Variants in PAX6 observed in about 807,000 individuals in gnomAD.
PAX6 encodes the protein paired box 6.
In PAX6, 7 loss-of-function variants were observed where a neutral mutation model predicts 60.7. That is an observed-to-expected ratio of 0.12 (90% CI 0.07 to 0.22). The LOEUF (loss-of-function observed/expected upper bound fraction) is 0.22, where lower values mean the gene tolerates loss of function less well. Ranked by LOEUF, PAX6 falls within the 10% of genes least tolerant of loss-of-function variation. PAX6 has a pLI of 1.00. For missense variants in PAX6, 355 were observed against 555.2 expected (o/e 0.64, Z 3.62); for synonymous variants, 208 against 201.2 (o/e 1.03, Z -0.29).
chr11:31,797,507 GAAAA>G (rs36004875), intron 8 of PAX6, among the ~76,000 whole-genome samples: 16 of 101,402 alleles, frequency 1.6e-4, no homozygotes, highest in African/African-American at 5.3e-4. Flanking sequence ...TTTAAATCTG[GAAAA>G]AAAAAAAAAA....
At chr11:31,799,444 T>C (rs1011395058) in intron 8 of PAX6, among the ~76,000 whole-genome samples, 1 of 152,334 alleles carries the variant, frequency 6.6e-6, no homozygotes, top group African/African-American at 2.4e-5. Flanking sequence ...ACATGTCTAA[T>C]TGGCAATTGG....
At chr11:31,797,950 C>A (rs1952159949) in intron 8 of PAX6, among the ~76,000 whole-genome samples, 1 of 150,210 alleles carries the variant, frequency 6.7e-6, no homozygotes, top group Admixed American at 6.6e-5. Flanking sequence ...GACCATCTGA[C>A]GATGGGAATA....
In PAX6 at chr11:31,790,003, A is replaced by C. The variant is rs372956285; in HGVS notation, c.1242T>G (p.Gly414=). Reference sequence around the variant, plus strand: ...CGGGAACTTGAACTGGAACTGACACACCAGGGGAAATGAGTCCTAGAAGTG... The same window carrying C: ...CGGGAACTTGAACTGGAACTGACACCCCAGGGGAAATGAGTCCTAGAAGTG... ...GTTSTGLISP[G]VSVPVQVPGS... Residue 414 remains glycine (G), a synonymous_variant, in exon 14 of 14, where the codon GGT becomes GGG. Transcript: ENST00000640368. 6 of 1,559,004 alleles carry C rather than the reference A, an allele frequency of 3.8e-6. No homozygotes were observed. Among genetic ancestry groups the C allele is most frequent in the Non-Finnish European group, 5.2e-6 (6 of 1,152,772 alleles).
rs760121586 is a variant in PAX6 at position 31,794,593 on chromosome 11, T to C, written c.724+37A>G. The C allele has an allele frequency of 8.7e-6, 14 of 1,612,038 alleles. No homozygotes were observed. In the East Asian group the frequency reaches 1.6e-4, roughly 18 times the overall value. On this transcript the variant is annotated intron_variant, in intron 9 of 13. Transcript: ENST00000640368. ...TGTACTGAAGATGTGGCATTTACTT[T>C]GATTTACTGCTTCTCTACTTTGAAA...
In PAX6 at chr11:31,794,765, C is replaced by T; in HGVS notation, c.589G>A (p.Gly197Arg). 1 of 1,614,150 alleles carries T rather than the reference C, an allele frequency of 6.2e-7. No individual in the cohort carries two copies. Among genetic ancestry groups the T allele is most frequent in the Non-Finnish European group, 8.5e-7 (1 of 1,180,012 alleles). The change falls in exon 9 of 14, where the codon GGG (glycine) becomes AGG (arginine). Residue 197 changes from glycine (G) to arginine (R), a missense_variant. Physicochemically the swap from Gly to Arg is moderately radical, Grantham distance 125. Around this residue, in one of 5 missense-constraint regions of PAX6, gnomAD observed 143 missense variants for 183.6 expected, o/e 0.78. Coordinates refer to ENST00000640368, the MANE Select transcript of PAX6 (RefSeq NM_001368894.2). ...TQDGCQQQEG[G>R]GENTNSISSN... ...CTGATGGAGTTGGTATTCTCTCCCCCTCCTTCCTGTTGCTGGCAGCCATCT... is the reference window on the plus strand; with the variant it reads ...CTGATGGAGTTGGTATTCTCTCCCCTTCCTTCCTGTTGCTGGCAGCCATCT...
intron 8 of PAX6, among the ~76,000 whole-genome samples, chr11:31,798,112 C>G (rs1437101409): frequency 2.0e-5 from 3 of 147,520 alleles, no homozygotes; most frequent in African/African-American, 5.0e-5. Flanking sequence ...GTTGCGGCAC[C>G]TTTTCAGCTC....
upstream of PAX6, among the ~76,000 whole-genome samples, chr11:31,813,736 A>C (rs1957243060): frequency 1.3e-5 from 2 of 152,152 alleles, no homozygotes; most frequent in African/African-American, 2.4e-5. Flanking sequence ...GCTGCTTCCC[A>C]TGTGTCAATA....
At chr11:31,797,713 G>A (rs974450381) in intron 8 of PAX6, among the ~76,000 whole-genome samples, 2 of 152,148 alleles carry the variant, frequency 1.3e-5, no homozygotes, top group Non-Finnish European at 2.9e-5. Context: ...CCCCACTTTA[G>A]TGGATTTGCC....
At position 31,793,634 on chromosome 11, in the gene PAX6, A is replaced by G. The variant is rs375447595; in HGVS notation, c.958+18T>C. On this transcript the variant is annotated intron_variant, in intron 11 of 13. Coordinates refer to ENST00000640368, the MANE Select transcript of PAX6 (RefSeq NM_001368894.2). Reference sequence around the variant, plus strand: ...AGGTTTAAAGACATTGATTCGTAGTATTAGTATTTCAAATTACCCGGTGTG... The same window carrying G: ...AGGTTTAAAGACATTGATTCGTAGTGTTAGTATTTCAAATTACCCGGTGTG... 14 of 1,614,028 alleles carry G rather than the reference A, an allele frequency of 8.7e-6. No individual in the cohort carries two copies. The Admixed American group carries it at 2.0e-4, about 23-fold the overall frequency.
intron 10 of PAX6, 88 bp downstream of exon 10, chr11:31,793,944 T>C (rs1950680667): frequency 1.6e-6 from 2 of 1,253,256 alleles, no homozygotes; most frequent in South Asian, 2.4e-5. Flanking sequence ...GTCCTATAAA[T>C]AAATAGTACT....
In PAX6 at chr11:31,790,110, A is replaced by AAAC. The variant is rs1565183636; in HGVS notation, c.1226-92_1226-91insGTT. 1.3e-5 allele frequency: 10 copies of AAAC among 799,086 alleles called. No individual in the cohort carries two copies. In the African/African-American group the frequency reaches 1.6e-4, roughly 13 times the overall value. The allele number at this position is 799,086 out of a possible 1,614,324, so 49.5% of individuals were successfully genotyped here. On this transcript the variant is annotated intron_variant, in intron 13 of 13. Transcript: ENST00000640368. ...TTTATAGGTTTACAAAAAAAAAAAA[A>AAAC]AAAAAAAAAACTAATACTTTCTAAC...
chr11:31,813,498 A>T (rs561857608), upstream of PAX6, among the ~76,000 whole-genome samples: 1 of 151,948 alleles, frequency 6.6e-6, no homozygotes, highest in South Asian at 2.1e-4. Flanking sequence ...CCTCGGAAAG[A>T]AGCAGCCGTA....
chr11:31,806,543 C>T, intron 3 of PAX6, 81 bp from the exon 4 acceptor site: 1 of 1,077,822 alleles, frequency 9.3e-7, no homozygotes, highest in Non-Finnish European at 1.4e-6. Context: ...GGACCTGGGG[C>T]TAGGACAGGA....
chr11:31,806,523 C>A, intron 3 of PAX6, 61 bp from the exon 4 acceptor site: 1 of 1,322,228 alleles, frequency 7.6e-7, no homozygotes, highest in Non-Finnish European at 1.1e-6. Context: ...CCTGAACTCC[C>A]AACCGAGGTG....
intron 9 of PAX6, 59 bp downstream of exon 9, chr11:31,794,571 A>G: frequency 6.4e-7 from 1 of 1,559,806 alleles, no homozygotes; most frequent in Non-Finnish European, 8.8e-7. Context: ...AGCTCTTTGT[A>G]CTGAAGATGT....
rs1953997070 is a variant in PAX6 at position 31,801,788 on chromosome 11, A to G, written c.184-12T>C. On this transcript the variant is annotated splice_polypyrimidine_tract_variant and intron_variant, in intron 6 of 13. Transcript: ENST00000640368. ...CATCCGTTGGACACCTGCATAGGGG[A>G]AGTGGACAGAAAACCACATTATTAA... 2 of 1,614,208 alleles carry G rather than the reference A, an allele frequency of 1.2e-6. No individual in the cohort carries two copies. The highest frequency in any genetic ancestry group is 1.7e-6 in the Non-Finnish European group (2 of 1,180,026).
At chr11:31,801,235 G>A (rs1324608885) in intron 7 of PAX6, 2 of 1,358,784 alleles carry the variant, frequency 1.5e-6, no homozygotes, top group Non-Finnish European at 1.9e-6. Flanking sequence ...GACACCTGAA[G>A]GAAAGTTCTG....
In PAX6 at chr11:31,801,590, C is replaced by T. The variant is rs1953887767; in HGVS notation, c.370G>A (p.Gly124Arg). ...WEIRDRLLSEGVCTNDNIPSV... is the reference protein window; with the variant it reads ...WEIRDRLLSERVCTNDNIPSV... ...GGTATGTTATCGTTGGTACAGACCC[C>T]CTCGGACAGTAATCTGTCTCGGATT... Residue 124 changes from glycine (G) to arginine (R), a missense_variant, in exon 7 of 14, where the codon GGG (glycine) becomes AGG (arginine). By Grantham distance (125) the Gly-to-Arg change is moderately radical. This residue lies in a region of PAX6 where 143 missense variants were observed against 183.6 expected (regional missense o/e 0.78). Coordinates refer to ENST00000640368, the MANE Select transcript of PAX6 (RefSeq NM_001368894.2). 1.2e-6 allele frequency: 2 copies of T among 1,614,078 alleles called. No homozygotes were observed. Among genetic ancestry groups the T allele is most frequent in the South Asian group, 1.1e-5 (1 of 91,082 alleles).
chr11:31,790,097 CAAAAAAAAAAAA>C, intron 13 of PAX6, 78 bp from the exon 14 acceptor site: 6 of 144,184 alleles, frequency 4.2e-5, no homozygotes, highest in Middle Eastern at 2.4e-3. Flanking sequence ...TATAGGTTTA[CAAAAAAAAAAAA>C]AAAAAAAAAA....
Sources: gnomAD v4.1 joint callset for allele counts (sites outside exome capture counted in the v4.1 genomes callset) on GRCh38, gnomAD v4.1.1 for gene constraint, gnomAD v4.1.1 regional missense constraint, MANE v1.5 for transcripts, NCBI Gene and HGNC (gene_info 2026-07-23, HGNC 2026-07-21) for gene names.